ZZEF1: variants seen among roughly 807,000 people sequenced by gnomAD.
The protein encoded by ZZEF1 is zinc finger ZZ-type and EF-hand domain-containing protein 1.
Under a neutral mutation model 342.8 loss-of-function variants are expected in ZZEF1, and 157 were observed. The ratio of observed to expected loss-of-function variants is 0.46; its 90% CI spans 0.40 to 0.52. ZZEF1 has a LOEUF of 0.52. ZZEF1 is among the 20% of genes least tolerant of loss of function. ZZEF1 has a pLI of 0.00. For synonymous variants in ZZEF1, 1,505 were observed against 1,429.1 expected, an observed-to-expected ratio of 1.05 and a Z score of -1.20; for missense variants, 3,480 against 3,725.6, an observed-to-expected ratio of 0.93 and a Z score of 1.72.
At chr17:4,077,060 CAAG>C in intron 19 of ZZEF1, 71 bp from the exon 20 acceptor site, 1 of 1,428,856 alleles carries the variant, frequency 7.0e-7, no homozygotes, top group Non-Finnish European at 9.2e-7. Flanking sequence ...TCACCACAGA[CAAG>C]AATAAAGAGA....
chr17:4,036,854 C>T (rs952211484), intron 39 of ZZEF1, among the ~76,000 whole-genome samples: 2 of 151,276 alleles, frequency 1.3e-5, no homozygotes, highest in East Asian at 1.9e-4. Context: ...CCCCGCACCC[C>T]GCCCGCCCGC....
At chr17:4,117,366 C>G (rs1199033178) in intron 2 of ZZEF1, among the ~76,000 whole-genome samples, 200 bp from the exon 3 acceptor site, 1 of 152,188 alleles carries the variant, frequency 6.6e-6, no homozygotes. Flanking sequence ...ATTAATTTAG[C>G]TGGGTGCAGT....
intron 30 of ZZEF1, among the ~76,000 whole-genome samples, chr17:4,062,012 C>T (rs2057296071): frequency 6.6e-6 from 1 of 152,160 alleles, no homozygotes; most frequent in Admixed American, 6.6e-5. Context: ...CATCGAAATA[C>T]TTTACAGTGA....
chr17:4,139,275 G>C (rs1417275398), intron 1 of ZZEF1, among the ~76,000 whole-genome samples: 1 of 151,946 alleles, frequency 6.6e-6, no homozygotes, highest in East Asian at 1.9e-4. Flanking sequence ...GAATGTGAAA[G>C]CAAGACAGCT....
Position 4,021,266 on chromosome 17 carries a change from G to A in ZZEF1, c.7267C>T (p.His2423Tyr), listed in dbSNP as rs2056262306. The change falls in exon 45 of 55, where the codon CAC becomes TAC. Residue 2423 changes from histidine to tyrosine, a missense_variant. This residue lies in a region of ZZEF1 where 1,269 missense variants were observed against 1,342.4 expected (regional missense o/e 0.95). Coordinates refer to ENST00000381638, the MANE Select transcript of ZZEF1 (RefSeq NM_015113.4). ...SKKEINALAE[H>Y]GDLELDERGD... Reference sequence around the variant, plus strand: ...CGCTCATCCAGCTCTAGGTCTCCGTGCTCAGCCAAAGCGTTGATCTCCTTT... The same window carrying A: ...CGCTCATCCAGCTCTAGGTCTCCGTACTCAGCCAAAGCGTTGATCTCCTTT... 1 of 1,614,144 alleles carries A rather than the reference G, an allele frequency of 6.2e-7. No individual in the cohort carries two copies. Among genetic ancestry groups the A allele is most frequent in the Non-Finnish European group, 8.5e-7 (1 of 1,180,018 alleles).
chr17:4,104,502 T>C lies in ZZEF1; in HGVS notation c.1573+131A>G, dbSNP rs903823847. On this transcript the variant is annotated intron_variant, in intron 8 of 54. Transcript: ENST00000381638. The stretch of plus-strand genomic sequence containing the variant: ...GTCTGATACTCAGAGGATACGTTCA[T>C]CCAGGAATCATGGTGTAACTATAAC... 4.2e-5 allele frequency: 40 copies of C among 958,034 alleles called. 1 individual carries two copies. Among genetic ancestry groups the C allele is most frequent in the Middle Eastern group, 6.8e-4 (2 of 2,954 alleles). 59.3% of individuals were successfully genotyped at this position (958,034 alleles called of 1,614,324 possible). A position where few individuals can be genotyped will look rare whatever the true frequency, so the allele number is the denominator to read the frequency against.
Sources: gnomAD v4.1 joint callset for allele counts (sites outside exome capture counted in the v4.1 genomes callset) on GRCh38, gnomAD v4.1.1 for gene constraint, gnomAD v4.1.1 regional missense constraint, MANE v1.5 for transcripts, NCBI Gene and HGNC (gene_info 2026-07-23, HGNC 2026-07-21) for gene names.